The following MUC22 variants were observed in gnomAD, a reference collection of about 807,000 sequenced individuals.
MUC22 encodes mucin 22.
In MUC22, 24 loss-of-function variants were observed where a neutral mutation model predicts 40.3. The observed-to-expected ratio is 0.60, with a 90% confidence interval of 0.43 to 0.84. The LOEUF (loss-of-function observed/expected upper bound fraction) is 0.84, where lower values mean the gene tolerates loss of function less well. MUC22 is among the 40% of genes least tolerant of loss of function. The pLI is 0.00. For synonymous variants in MUC22, 765 were observed against 844.5 expected, an observed-to-expected ratio of 0.91 and a Z score of 1.63; for missense variants, 1,926 against 2,130.7, an observed-to-expected ratio of 0.90 and a Z score of 1.89.
intron 1 of MUC22, among the ~76,000 whole-genome samples, chr6:31,017,456 C>G (rs1188110088): frequency 2.0e-5 from 3 of 152,052 alleles, no homozygotes; most frequent in Non-Finnish European, 2.9e-5. Context: ...CACTCTGTGT[C>G]TAGCTCAAGG....
chr6:31,025,906 T>A (rs1405177648), exon 2 of MUC22: 1 of 1,534,480 alleles, frequency 6.5e-7, no homozygotes. Flanking sequence ...CAGCACAACC[T>A]CCACTGCAGG....
At chr6:31,034,790 A>T in exon 4 of MUC22, 2 of 1,535,736 alleles carry the variant, frequency 1.3e-6, no homozygotes, top group Non-Finnish European at 1.7e-6. Flanking sequence ...AGCCTGGGAA[A>T]TGCACTGGTT....
upstream of MUC22, among the ~76,000 whole-genome samples, chr6:31,007,927 C>T (rs1177968979): frequency 7.2e-5 from 11 of 152,170 alleles, no homozygotes; most frequent in East Asian, 1.9e-4. This position sits in a 1 kb window ranked among gnomAD's most constrained non-coding sequence, Gnocchi z 4.0. Context: ...TTAATTTTCC[C>T]GACATGTCCC....
chr6:31,009,903 G>A (rs1634721), upstream of MUC22, among the ~76,000 whole-genome samples: 10,819 of 152,112 alleles, frequency 0.071, 594 homozygotes, highest in Non-Finnish European at 0.12. Context: ...ACTCACTTCC[G>A]CTTGATACTA....
At chr6:31,030,232 T>G in intron 2 of MUC22, 132 bp downstream of exon 2, 2 of 1,144,018 alleles carry the variant, frequency 1.7e-6, no homozygotes. Context: ...AATTTCCTCT[T>G]CTAGGCTGGG....
chr6:31,012,786 G>A (rs775183182), intron 1 of MUC22, among the ~76,000 whole-genome samples: 29 of 120,194 alleles, frequency 2.4e-4, no homozygotes, highest in Non-Finnish European at 5.2e-4. Context: ...AATGCTGGGC[G>A]CCGTCTCACC....
chr6:31,012,794 ACCCTCCTGCCG>A (rs1318803997), intron 1 of MUC22, among the ~76,000 whole-genome samples: 3 of 120,116 alleles, frequency 2.5e-5, no homozygotes, highest in South Asian at 3.2e-4. Context: ...GCGCCGTCTC[ACCCTCCTGCCG>A]TCTCAGGGGC....
chr6:31,027,151 G>A, exon 2 of MUC22: 1 of 1,502,286 alleles, frequency 6.7e-7, no homozygotes, highest in Non-Finnish European at 8.9e-7. Context: ...TGCAAGCTCT[G>A]AGGTGACCAC....
chr6:31,028,726 T>C, exon 2 of MUC22: 3 of 1,523,656 alleles, frequency 2.0e-6, no homozygotes, highest in South Asian at 1.2e-5. Flanking sequence ...CACCACCACC[T>C]CTACTGAAGG....
chr6:31,022,095 A>G (rs1003741624), intron 1 of MUC22, among the ~76,000 whole-genome samples: 1 of 152,100 alleles, frequency 6.6e-6, no homozygotes, highest in Admixed American at 6.5e-5. Flanking sequence ...GCGAGAGCAC[A>G]AACCCACCAG....
intron 1 of MUC22, among the ~76,000 whole-genome samples, chr6:31,024,195 TAA>T (rs1270660301): frequency 6.6e-6 from 1 of 152,172 alleles, no homozygotes; most frequent in Non-Finnish European, 1.5e-5. Context: ...TGAAGAAGAC[TAA>T]AGAGACAGAA....
intron 1 of MUC22, among the ~76,000 whole-genome samples, chr6:31,015,587 T>C (rs1764138577): frequency 1.3e-5 from 2 of 152,186 alleles, no homozygotes. Context: ...ATTTGACTCA[T>C]AGTTTAGCTG....
At chr6:31,028,418 C>G (rs1382063806) in exon 2 of MUC22, 11 of 1,531,902 alleles carry the variant, frequency 7.2e-6, no homozygotes, top group Non-Finnish European at 7.9e-6. Flanking sequence ...GAGACCACCA[C>G]AGCCTCTACT....
chr6:31,008,040 A>G (rs1166330674), upstream of MUC22, among the ~76,000 whole-genome samples: 1 of 152,210 alleles, frequency 6.6e-6, no homozygotes, highest in African/African-American at 2.4e-5. Context: ...CAGCTCCAGA[A>G]TTTCTATGTC....
chr6:31,016,462 G>C (rs911435624), intron 1 of MUC22, among the ~76,000 whole-genome samples: 5 of 149,264 alleles, frequency 3.3e-5, no homozygotes, highest in Admixed American at 6.7e-5. Flanking sequence ...TCTAGTGTTG[G>C]CTAATTTCTT....
intron 3 of MUC22, among the ~76,000 whole-genome samples, chr6:31,033,578 G>A (rs9468862): frequency 0.013 from 1,992 of 152,214 alleles, 23 homozygotes; most frequent in African/African-American, 0.016. Flanking sequence ...GTGATCCTGC[G>A]GGTAAGTTAC....
intron 1 of MUC22, among the ~76,000 whole-genome samples, chr6:31,020,343 C>G (rs1306813976): frequency 3.3e-5 from 5 of 151,358 alleles, no homozygotes; most frequent in African/African-American, 1.2e-4. Context: ...CTTTATCAAC[C>G]TAGAATTACA....
chr6:31,027,027 G>C (rs1280164641), exon 2 of MUC22: 1 of 1,501,236 alleles, frequency 6.7e-7, no homozygotes, highest in Non-Finnish European at 8.9e-7. Context: ...CTACTACAGG[G>C]TTTGAGACAA....
chr6:31,022,070 T>C (rs13201420), intron 1 of MUC22, among the ~76,000 whole-genome samples: 16,702 of 151,800 alleles, frequency 0.11, 1,205 homozygotes, highest in East Asian at 0.33. Context: ...GGTTTGCAGC[T>C]TCACTCATGA....
Sources: allele counts gnomAD v4.1 joint callset (sites outside exome capture counted in the v4.1 genomes callset), GRCh38; gene constraint gnomAD v4.1.1; non-coding constraint Gnocchi (gnomAD v3.1); transcripts MANE v1.5; gene names NCBI Gene and HGNC (gene_info 2026-07-23, HGNC 2026-07-21).